AACS: variants seen among roughly 807,000 people sequenced by gnomAD.
AACS encodes acetoacetate-CoA ligase.
Under a neutral mutation model 83.1 loss-of-function variants are expected in AACS, and 69 were observed. That is an observed-to-expected ratio of 0.83 (90% confidence interval 0.68 to 1.01). AACS has a LOEUF of 1.01. AACS is among the 50% of genes least tolerant of loss of function. AACS has a pLI of 0.00. For synonymous variants in AACS, 333 were observed against 343.4 expected (o/e 0.97, Z 0.33); for missense variants, 866 against 882.2 (o/e 0.98, Z 0.23).
At chr12:125,067,371 G>A (rs1397609279) in intron 1 of AACS, among the ~76,000 whole-genome samples, 5 of 152,168 alleles carry the variant, frequency 3.3e-5, no homozygotes, top group Admixed American at 3.3e-4. Flanking sequence ...GTGTCACCTT[G>A]CCTTGATTCC....
chr12:125,143,214 A>G lies in AACS; in HGVS notation c.*985A>G, dbSNP rs1957529783. 6.6e-6 allele frequency: 1 copy of G among 152,260 alleles called. No individual in the cohort carries two copies. The highest frequency in any genetic ancestry group is 2.4e-5 in the African/African-American group (1 of 41,480). 9.4% of individuals were successfully genotyped at this position (152,260 alleles called of 1,614,324 possible). A position where few individuals can be genotyped will look rare whatever the true frequency, so the allele number is the denominator to read the frequency against. The stretch of plus-strand genomic sequence containing the variant: ...TTTATATTTTTTGAAACTGAGCACA[A>G]TGAAATCCTTTCTTGAATCATTTTC... On this transcript the variant is annotated 3_prime_UTR_variant, in exon 18 of 18. Coordinates refer to ENST00000316519, the MANE Select transcript of AACS (RefSeq NM_023928.5).
chr12:125,134,008 TG>T lies in AACS; in HGVS notation c.1558del (p.Ala520LeufsTer64). ...KAYFSKFPGI[W>X]AHGDYCRINP... ...CACCTCTGCTGTCTTTGCAGGTATC[TG>T]GGCTCATGGCGACTACTGCAGAATC... On this transcript the variant is annotated frameshift_variant, in exon 15 of 18. Coordinates refer to ENST00000316519, the MANE Select transcript of AACS (RefSeq NM_023928.5). LOFTEE classifies it high-confidence loss of function. 1 of 1,614,150 alleles carries T rather than the reference TG, an allele frequency of 6.2e-7. No individual in the cohort carries two copies. Among genetic ancestry groups the T allele is most frequent in the Non-Finnish European group, 8.5e-7 (1 of 1,180,004 alleles).
rs184274846 is a variant in AACS, at chr12:125,073,118, T to C, written c.134-758T>C. 2.3e-3 allele frequency among the ~76,000 whole-genome samples: 349 copies of C among 151,998 alleles called. 5 individuals carry two copies. Among genetic ancestry groups the C allele is most frequent in the Admixed American group, 0.02 (310 of 15,242 alleles). On this transcript the variant is annotated intron_variant, in intron 1 of 17. Coordinates refer to ENST00000316519, the MANE Select transcript of AACS (RefSeq NM_023928.5). Reference sequence around the variant, plus strand: ...ATTTTTTTTGTATTTTTAGTAGAGATGGGGTTTCACTATTTTGGCCAGGCT... The same window carrying C: ...ATTTTTTTTGTATTTTTAGTAGAGACGGGGTTTCACTATTTTGGCCAGGCT...
chr12:125,088,257 G>A (rs1345414716), intron 4 of AACS, among the ~76,000 whole-genome samples: 1 of 149,804 alleles, frequency 6.7e-6, no homozygotes, highest in Non-Finnish European at 1.5e-5. Context: ...TTTGAGACAG[G>A]GTCTCACTCT....
At chr12:125,087,357 T>G (rs1956362483) in intron 4 of AACS, among the ~76,000 whole-genome samples, 1 of 152,242 alleles carries the variant, frequency 6.6e-6, no homozygotes, top group African/African-American at 2.4e-5. Flanking sequence ...GGTATTTTTC[T>G]TACAATTTTC....
intron 14 of AACS, among the ~76,000 whole-genome samples, chr12:125,133,764 G>A (rs1398670485): frequency 2.6e-5 from 4 of 152,226 alleles, no homozygotes; most frequent in Non-Finnish European, 5.9e-5. Flanking sequence ...GGTCCTTGCT[G>A]GTGCCTGAGG....
rs1022443738 is a variant in AACS, at chr12:125,129,921, A to G, written c.1549+461A>G. On this transcript the variant is annotated intron_variant, in intron 14 of 17. Transcript: ENST00000316519. The surrounding 1 kb of genome is among the most constrained non-coding windows in gnomAD (Gnocchi z 4.3). ...TGGAGGAAGAGCGCTTTTGCGGTGG[A>G]AGCATTTACAACCCGACACGTCACT... Among the ~76,000 whole-genome samples, 2 of 152,046 alleles carry G rather than the reference A, an allele frequency of 1.3e-5. No individual in the cohort carries two copies. Among genetic ancestry groups the G allele is most frequent in the African/African-American group, 4.8e-5 (2 of 41,398 alleles).
chr12:125,103,472 C>A (rs557088830), intron 7 of AACS, among the ~76,000 whole-genome samples: 2 of 152,200 alleles, frequency 1.3e-5, no homozygotes, highest in Non-Finnish European at 2.9e-5. Flanking sequence ...CATATCTACA[C>A]GTGTACACAT....
chr12:125,076,375 G>A, intron 2 of AACS, 116 bp from the exon 3 acceptor site: 2 of 1,419,128 alleles, frequency 1.4e-6, no homozygotes, highest in Non-Finnish European at 1.9e-6. Context: ...CAATGAGTGA[G>A]CTGGCTTCCT....
intron 3 of AACS, chr12:125,078,377 G>C: frequency 2.2e-6 from 1 of 454,074 alleles, no homozygotes; most frequent in Admixed American, 2.4e-5. Context: ...GCTGGTCAGT[G>C]TTCCATTGCT....
chr12:125,117,450 C>G (rs1228032522), intron 9 of AACS: 1 of 152,108 alleles, frequency 6.6e-6, no homozygotes, highest in Non-Finnish European at 1.5e-5. Flanking sequence ...GAGACCAGGT[C>G]TCACTGTGTT....
intron 5 of AACS, 42 bp from the exon 6 acceptor site, chr12:125,102,637 C>T: frequency 6.3e-7 from 1 of 1,584,416 alleles, no homozygotes; most frequent in Non-Finnish European, 8.7e-7. Context: ...CTGGTTTTTG[C>T]CTTTTGGATG....
intron 3 of AACS, chr12:125,078,457 A>G (rs1956084979): frequency 2.5e-6 from 1 of 398,264 alleles, no homozygotes; most frequent in African/African-American, 2.1e-5. Flanking sequence ...CAGGGCTCTG[A>G]CTGGCTCTCC....
Position 125,102,847 on chromosome 12 carries a change from A to G in AACS, c.685+54A>G, listed in dbSNP as rs761225497. On this transcript the variant is annotated intron_variant, in intron 6 of 17. Coordinates refer to ENST00000316519, the MANE Select transcript of AACS (RefSeq NM_023928.5). ...CATGGCTGGGTGTGTGTGTGGGTACATAAGAGTCTGCCAGGAGTCAATCTG... is the reference window on the plus strand; with the variant it reads ...CATGGCTGGGTGTGTGTGTGGGTACGTAAGAGTCTGCCAGGAGTCAATCTG... 18 of 1,551,454 alleles carry G rather than the reference A, an allele frequency of 1.2e-5. No homozygotes were observed. In the East Asian group the frequency reaches 2.0e-4, roughly 17 times the overall value.
intron 3 of AACS, among the ~76,000 whole-genome samples, chr12:125,085,757 A>C (rs566046752): frequency 3.6e-4 from 55 of 152,132 alleles, no homozygotes; most frequent in East Asian, 1.5e-3. Flanking sequence ...AAAAAAAAAA[A>C]CCCACAATTA....
intron 3 of AACS, chr12:125,078,050 T>C: frequency 2.3e-6 from 1 of 429,552 alleles, no homozygotes; most frequent in Non-Finnish European, 4.7e-6. Context: ...AAAGATTAAT[T>C]CACTGTGGTA....
At chr12:125,075,124 G>A (rs1280599093) in intron 2 of AACS, among the ~76,000 whole-genome samples, 5 of 151,184 alleles carry the variant, frequency 3.3e-5, no homozygotes, top group Admixed American at 2.6e-4. Flanking sequence ...ACAGGCATGC[G>A]CCACCACGCC....
Position 125,087,333 on chromosome 12 carries a change from C to A in AACS, c.472+890C>A, listed in dbSNP as rs55999005. 6.6e-5 allele frequency among the ~76,000 whole-genome samples: 10 copies of A among 152,188 alleles called. 1 individual carries two copies. In the East Asian group the frequency reaches 1.9e-3, roughly 29 times the overall value. On this transcript the variant is annotated intron_variant, in intron 4 of 17. Transcript: ENST00000316519. Reference sequence around the variant, plus strand: ...TGGGATAGCAACTGAGGATTTCCCACGAAGAACTGCTTAGGTATTTTTCTT... The same window carrying A: ...TGGGATAGCAACTGAGGATTTCCCAAGAAGAACTGCTTAGGTATTTTTCTT...
rs1956997077 is a variant in AACS at position 125,113,786 on chromosome 12, G to T, written c.916-691G>T. Among the ~76,000 whole-genome samples the T allele has an allele frequency of 6.6e-6, 1 of 152,162 alleles. No homozygotes were observed. The highest frequency in any genetic ancestry group is 1.5e-5 in the Non-Finnish European group (1 of 68,034). On this transcript the variant is annotated intron_variant, in intron 8 of 17. Coordinates refer to ENST00000316519, the MANE Select transcript of AACS (RefSeq NM_023928.5). This position sits in a 1 kb window ranked among gnomAD's most constrained non-coding sequence, Gnocchi z 4.8. ...GACCGGCTGCCTCTTGGGAGAACTG[G>T]GTACAGGACAGGGAGAGAGGACGGC...
Sources: allele counts gnomAD v4.1 joint callset (sites outside exome capture counted in the v4.1 genomes callset), GRCh38; gene constraint gnomAD v4.1.1; non-coding constraint Gnocchi (gnomAD v3.1); transcripts MANE v1.5; gene names NCBI Gene and HGNC (gene_info 2026-07-23, HGNC 2026-07-21).